NOS2: variants seen among roughly 807,000 people sequenced by gnomAD.
The protein encoded by NOS2 is nitric oxide synthase 2.
NOS2 carries 96 observed loss-of-function variants against 136.0 expected under a neutral mutation model. The observed-to-expected ratio is 0.71, with a 90% CI of 0.60 to 0.84. NOS2 has a LOEUF of 0.84. Among genes scored for constraint, NOS2 ranks in the 40% least tolerant of loss-of-function variants. The pLI, the probability that NOS2 is intolerant of heterozygous loss-of-function variation, is 0.00. For missense variants in NOS2, 1,237 were observed against 1,496.9 expected (o/e 0.83, Z 2.87); for synonymous variants, 539 against 587.5 (o/e 0.92, Z 1.20).
At chr17:27,767,000 C>CAAAAA (rs11428460) in intron 18 of NOS2, among the ~76,000 whole-genome samples, 4 of 42,750 alleles carry the variant, frequency 9.4e-5, no homozygotes, top group Admixed American at 2.3e-4. Flanking sequence ...GACTCCGTCT[C>CAAAAA]AAAAAAAAAA....
chr17:27,760,305 G>A, intron 24 of NOS2, 127 bp from the exon 25 acceptor site: 2 of 1,016,238 alleles, frequency 2.0e-6, no homozygotes, highest in Non-Finnish European at 2.8e-6. Context: ...TTACAGATGA[G>A]GAAACTGAGG....
intron 17 of NOS2, 24 bp from the exon 18 acceptor site, chr17:27,767,861 C>T (rs375118622): frequency 3.4e-5 from 54 of 1,609,816 alleles, no homozygotes; most frequent in Admixed American, 6.7e-5. Flanking sequence ...GAGCAGACTG[C>T]GGTTAATGGT....
intron 5 of NOS2, among the ~76,000 whole-genome samples, chr17:27,783,372 A>C (rs1908913454): frequency 6.6e-6 from 1 of 152,178 alleles, no homozygotes. Flanking sequence ...TGAGTCCTAT[A>C]AATACTACCT....
At chr17:27,792,662 A>C (rs1213785655) in intron 2 of NOS2, among the ~76,000 whole-genome samples, 1 of 151,740 alleles carries the variant, frequency 6.6e-6, no homozygotes, top group African/African-American at 2.4e-5. Flanking sequence ...GGTCCTGAGG[A>C]CCCTCAAGGA....
intron 2 of NOS2, among the ~76,000 whole-genome samples, chr17:27,790,579 C>T (rs28998828): frequency 0.25 from 38,175 of 152,018 alleles, 4,956 homozygotes; most frequent in Non-Finnish European, 0.28. Flanking sequence ...AATCCACGGC[C>T]GATCTTGTTT....
chr17:27,758,523 C>T (rs906616148), intron 26 of NOS2, among the ~76,000 whole-genome samples: 21 of 152,250 alleles, frequency 1.4e-4, no homozygotes, highest in African/African-American at 4.3e-4. Flanking sequence ...GAGGTTCACA[C>T]GAGGCTGACG....
At chr17:27,775,535 G>A (rs1238955020) in intron 11 of NOS2, among the ~76,000 whole-genome samples, 2 of 152,206 alleles carry the variant, frequency 1.3e-5, no homozygotes, top group African/African-American at 4.8e-5. Flanking sequence ...CCGGGAGGCG[G>A]AGGTTGCAGT....
chr17:27,775,287 C>T (rs1404349724), intron 11 of NOS2, among the ~76,000 whole-genome samples: 1 of 152,048 alleles, frequency 6.6e-6, no homozygotes, highest in Admixed American at 6.6e-5. Flanking sequence ...TGGTGAGACC[C>T]TGTCTCTATA....
At chr17:27,766,001 G>A (rs977197176) in intron 19 of NOS2, among the ~76,000 whole-genome samples, 4 of 152,198 alleles carry the variant, frequency 2.6e-5, no homozygotes, top group Non-Finnish European at 5.9e-5. Flanking sequence ...GAAAGCATCC[G>A]CCTTGGACAT....
At chr17:27,759,178 G>A (rs1265045244) in intron 25 of NOS2, 103 bp from the exon 26 acceptor site, 4 of 741,672 alleles carry the variant, frequency 5.4e-6, no homozygotes, top group East Asian at 3.1e-5. Context: ...GCACTAAGGG[G>A]TGAGGAGTGA....
At chr17:27,769,272 C>T (rs1176186317) in intron 16 of NOS2, 121 bp from the exon 17 acceptor site, 4 of 1,032,948 alleles carry the variant, frequency 3.9e-6, no homozygotes, top group Non-Finnish European at 5.6e-6. Context: ...GAGAATGGAG[C>T]TGGACCCCCT....
chr17:27,778,378 T>A (rs1908728287), intron 11 of NOS2, among the ~76,000 whole-genome samples: 1 of 152,206 alleles, frequency 6.6e-6, no homozygotes, highest in Non-Finnish European at 1.5e-5. Flanking sequence ...GCTATTCATT[T>A]CTTTCTTTGA....
intron 4 of NOS2, among the ~76,000 whole-genome samples, chr17:27,788,122 A>G (rs914854508): frequency 1.3e-5 from 2 of 152,020 alleles, no homozygotes; most frequent in South Asian, 2.1e-4. Context: ...TCAATCCAAT[A>G]TGGCTCCTAT....
chr17:27,781,123 C>T lies in NOS2; in HGVS notation c.777G>A (p.Val259=). The T allele has an allele frequency of 6.2e-7, 1 of 1,613,092 alleles. No individual in the cohort carries two copies. Among genetic ancestry groups the T allele is most frequent in the Non-Finnish European group, 8.5e-7 (1 of 1,180,024 alleles). ...CATAGCGGATGAGCTGAGCATTCCACACCCGGAAGTCGTGCTTGCCATCAC... is the reference window on the plus strand; with the variant it reads ...CATAGCGGATGAGCTGAGCATTCCATACCCGGAAGTCGTGCTTGCCATCAC... ...QRSDGKHDFR[V]WNAQLIRYAG... is the part of the protein sequence containing the mutation. The change falls in exon 8 of 27, where the codon GTG becomes GTA. Residue 259 remains valine, a synonymous_variant. Transcript: ENST00000313735.
At chr17:27,783,972 G>C (rs538107419) in intron 5 of NOS2, among the ~76,000 whole-genome samples, 12 of 152,326 alleles carry the variant, frequency 7.9e-5, no homozygotes, top group Admixed American at 7.2e-4. Flanking sequence ...GGCCAGAAAA[G>C]AGCTGCCCAC....
chr17:27,764,071 G>A lies in NOS2; in HGVS notation c.2502C>T (p.Ile834=). ...LSQALTYFLD[I]TTPPTQLLLQ... is the part of the protein sequence containing the mutation. ...GCAGCAGCTGGGTTGGGGGTGTGGT[G>A]ATGTCCAGGAAGTAGGTGAGGGCCT... is the stretch of plus-strand genomic sequence containing the variant. The change falls in exon 21 of 27, where the codon ATC becomes ATT. Residue 834 remains isoleucine, a synonymous_variant. Transcript: ENST00000313735. 6.2e-7 allele frequency: 1 copy of A among 1,612,394 alleles called. No homozygotes were observed. Among genetic ancestry groups the A allele is most frequent in the Non-Finnish European group, 8.5e-7 (1 of 1,179,266 alleles).
intron 11 of NOS2, among the ~76,000 whole-genome samples, chr17:27,775,651 C>A (rs1908636884): frequency 1.3e-5 from 2 of 151,936 alleles, no homozygotes; most frequent in African/African-American, 4.8e-5. Flanking sequence ...TTTGGTGGCA[C>A]ATGCCAGTGT....
rs28998826 is a variant in NOS2, at chr17:27,791,070, G to A, written c.111-1382C>T. 1.0e-3 allele frequency among the ~76,000 whole-genome samples: 156 copies of A among 152,294 alleles called. 2 individuals carry two copies. The East Asian group carries it at 0.026, about 26-fold the overall frequency. ...TATTGCTTTTATTATAGAAAAAAAT[G>A]ACTATATGTTACCATTATATCATTA... On this transcript the variant is annotated intron_variant, in intron 2 of 26. Transcript: ENST00000313735.
In NOS2 at chr17:27,774,367, C is replaced by A; in HGVS notation, c.1366G>T (p.Gly456Cys). Reference sequence around the variant, plus strand: ...AGCCAAATCCAGTCTGCCGGGCAGCCCCCACGGGACCGGTATTCATTCTGC... The same window carrying A: ...AGCCAAATCCAGTCTGCCGGGCAGCACCCACGGGACCGGTATTCATTCTGC... ...YMQNEYRSRGGCPADWIWLVP... is the reference protein window; with the variant it reads ...YMQNEYRSRGCCPADWIWLVP... Residue 456 changes from glycine (G) to cysteine (C), a missense_variant, in exon 12 of 27, where the codon GGC becomes TGC. This residue lies in a region of NOS2 where 782 missense variants were observed against 909.9 expected (regional missense o/e 0.86). Transcript: ENST00000313735. 1 of 1,583,074 alleles carries A rather than the reference C, an allele frequency of 6.3e-7. No individual in the cohort carries two copies. Among genetic ancestry groups the A allele is most frequent in the Non-Finnish European group, 8.6e-7 (1 of 1,164,694 alleles).
Sources: allele counts gnomAD v4.1 joint callset (sites outside exome capture counted in the v4.1 genomes callset), GRCh38; gene constraint gnomAD v4.1.1; regional missense constraint gnomAD v4.1.1; transcripts MANE v1.5; gene names NCBI Gene and HGNC (gene_info 2026-07-23, HGNC 2026-07-21).